CREB3L2: variants seen among roughly 807,000 people sequenced by gnomAD.
CREB3L2 encodes cyclic AMP-responsive element-binding protein 3-like protein 2.
A neutral mutation model predicts 57.2 loss-of-function variants in CREB3L2; 23 were observed. The ratio of observed to expected loss-of-function variants is 0.40; its 90% confidence interval spans 0.29 to 0.57. The LOEUF (loss-of-function observed/expected upper bound fraction) is 0.57. Among genes scored for constraint, CREB3L2 ranks in the 20% least tolerant of loss-of-function variants. The pLI is 0.42. For missense variants in CREB3L2, 628 were observed against 634.7 expected, an observed-to-expected ratio of 0.99 and a Z score of 0.11; for synonymous variants, 268 against 265.1, an observed-to-expected ratio of 1.01 and a Z score of -0.11.
At chr7:137,979,760 A>G (rs1801680741) in intron 1 of CREB3L2, among the ~76,000 whole-genome samples, 1 of 151,906 alleles carries the variant, frequency 6.6e-6, no homozygotes. Flanking sequence ...AACAACAACA[A>G]CAACAAAGAA....
chr7:137,889,420 C>A (rs1799490984), intron 8 of CREB3L2, among the ~76,000 whole-genome samples: 1 of 152,192 alleles, frequency 6.6e-6, no homozygotes, highest in African/African-American at 2.4e-5. Flanking sequence ...CACATCCTTT[C>A]CCAACTCAAG....
In CREB3L2 at chr7:137,963,022, C is replaced by T. The variant is rs995866402; in HGVS notation, c.103-34656G>A. On this transcript the variant is annotated intron_variant, in intron 1 of 11. Transcript: ENST00000330387. ...CTGACATCCCAGCAGTCCCTCTCAG[C>T]TTTGGGGCCCTTGGATCTTCATGAA... Among the ~76,000 whole-genome samples the T allele has an allele frequency of 2.0e-5, 3 of 152,280 alleles. No homozygotes were observed. The South Asian group carries it at 6.2e-4, about 32-fold the overall frequency.
intron 1 of CREB3L2, among the ~76,000 whole-genome samples, chr7:137,985,871 T>A: frequency 6.6e-6 from 1 of 152,202 alleles, no homozygotes; most frequent in South Asian, 2.1e-4. Flanking sequence ...TGAAGAAATA[T>A]TTCAGGTCTT....
intron 2 of CREB3L2, among the ~76,000 whole-genome samples, chr7:137,918,127 G>C (rs1415219061): frequency 6.6e-6 from 1 of 152,190 alleles, no homozygotes; most frequent in Non-Finnish European, 1.5e-5. Context: ...AGTTAGGGAA[G>C]GGCTGGAGAG....
intron 8 of CREB3L2, among the ~76,000 whole-genome samples, chr7:137,894,380 G>T (rs1246578569): frequency 1.3e-5 from 2 of 152,116 alleles, no homozygotes; most frequent in East Asian, 3.9e-4. Flanking sequence ...TTTGACCCAG[G>T]AATCTCATAT....
In CREB3L2 at chr7:138,001,232, T is replaced by C. The variant is rs1802068744; in HGVS notation, c.102+372A>G. On this transcript the variant is annotated intron_variant, in intron 1 of 11. Transcript: ENST00000330387. The surrounding 1 kb of genome is among the most constrained non-coding windows in gnomAD (Gnocchi z 4.2). ...AATGCTACTTAATCTTGTCCAGTTT[T>C]TGAAAACCTCAAAAAAAAATCAATA... Among the ~76,000 whole-genome samples the C allele has an allele frequency of 6.6e-6, 1 of 151,756 alleles. No homozygotes were observed. Among genetic ancestry groups the C allele is most frequent in the South Asian group, 2.1e-4 (1 of 4,816 alleles).
chr7:137,989,432 G>GT (rs33944427), intron 1 of CREB3L2, among the ~76,000 whole-genome samples: 64,583 of 106,044 alleles, frequency 0.61, 21,458 homozygotes, highest in East Asian at 0.79. Flanking sequence ...CTTTTCTCCA[G>GT]TTTTTTTTTT....
At chr7:137,883,620 T>C (rs1461430245) in intron 10 of CREB3L2, among the ~76,000 whole-genome samples, 1 of 152,218 alleles carries the variant, frequency 6.6e-6, no homozygotes, top group East Asian at 1.9e-4. Flanking sequence ...CCATATCTTC[T>C]AATAAAAGTT....
intron 8 of CREB3L2, among the ~76,000 whole-genome samples, chr7:137,888,516 A>C (rs1410790101): frequency 6.6e-6 from 1 of 151,906 alleles, no homozygotes; most frequent in Non-Finnish European, 1.5e-5. Context: ...TCACAGCGAG[A>C]TTTCACTGGC....
Position 137,950,171 on chromosome 7 carries a change from CA to C in CREB3L2, c.103-21806del, listed in dbSNP as rs67995844. Among the ~76,000 whole-genome samples, 1,241 of 152,252 alleles carry C rather than the reference CA, an allele frequency of 8.2e-3. 15 individuals carry two copies. Among genetic ancestry groups the C allele is most frequent in the African/African-American group, 0.028 (1,175 of 41,538 alleles). On this transcript the variant is annotated intron_variant, in intron 1 of 11. Transcript: ENST00000330387. The stretch of plus-strand genomic sequence containing the variant: ...AAAAGCCACACTCTTTCCAATACAC[CA>C]TATGCTTCTTGATCTTCGATGGTGA...
intron 1 of CREB3L2, among the ~76,000 whole-genome samples, chr7:137,989,134 G>A (rs764016161): frequency 6.6e-6 from 1 of 152,220 alleles, no homozygotes; most frequent in Non-Finnish European, 1.5e-5. Flanking sequence ...AGGCAGCGCT[G>A]TGTTCTACAC....
Position 138,001,682 on chromosome 7 carries a change from C to T in CREB3L2, c.24G>A (p.Glu8=). Residue 8 remains glutamate, a synonymous_variant, in exon 1 of 12, where the codon GAG becomes GAA. Coordinates refer to ENST00000330387, the MANE Select transcript of CREB3L2 (RefSeq NM_194071.4). This position sits in a 1 kb window ranked among gnomAD's most constrained non-coding sequence, Gnocchi z 4.2. ...TGCGGTCCCACTGCAGCACGCCCTG[C>T]TCCCCGCTCTCCAGCACCTCCATGG... The part of the protein sequence containing the change: MEVLESG[E]QGVLQWDRKL... 6.8e-6 allele frequency: 11 copies of T among 1,612,072 alleles called. No homozygotes were observed. The highest frequency in any genetic ancestry group is 9.3e-6 in the Non-Finnish European group (11 of 1,179,736).
At position 137,946,880 on chromosome 7, in the gene CREB3L2, CTATATAGTTATATATATAGTTATA is replaced by C. The variant is rs1422069826; in HGVS notation, c.103-18538_103-18515del. Among the ~76,000 whole-genome samples the C allele has an allele frequency of 7.5e-3, 254 of 34,024 alleles. 38 individuals are homozygous for C. The highest frequency in any genetic ancestry group is 0.011 in the Middle Eastern group (1 of 90). The allele number at this position is 34,024 out of a possible 152,430, so 22.3% of individuals were successfully genotyped here. On this transcript the variant is annotated intron_variant, in intron 1 of 11. Coordinates refer to ENST00000330387, the MANE Select transcript of CREB3L2 (RefSeq NM_194071.4). ...TCTATATAGTTATATATATAGTTAT[CTATATAGTTATATATATAGTTATA>C]TATATAGTTATATATATAGTTATAT... is the stretch of plus-strand genomic sequence containing the variant.
chr7:137,923,267 A>C (rs1800376068), intron 2 of CREB3L2, among the ~76,000 whole-genome samples: 1 of 152,240 alleles, frequency 6.6e-6, no homozygotes, highest in South Asian at 2.1e-4. Context: ...TCATTATTTT[A>C]CTTTTTTCAA....
intron 1 of CREB3L2, among the ~76,000 whole-genome samples, chr7:137,952,831 C>T (rs938791263): frequency 2.6e-5 from 4 of 151,828 alleles, no homozygotes; most frequent in African/African-American, 4.8e-5. Flanking sequence ...TTTTTTTAGA[C>T]GGGGTCTCTC....
intron 1 of CREB3L2, among the ~76,000 whole-genome samples, chr7:137,955,546 T>C (rs1396724357): frequency 6.6e-6 from 1 of 152,208 alleles, no homozygotes; most frequent in Non-Finnish European, 1.5e-5. Context: ...TGGAAGATAA[T>C]CTGAAACAAA....
At chr7:137,994,976 G>A (rs1276041544) in intron 1 of CREB3L2, among the ~76,000 whole-genome samples, 1 of 152,194 alleles carries the variant, frequency 6.6e-6, no homozygotes, top group Admixed American at 6.5e-5. Context: ...TGGTCATGCT[G>A]GTTGAGTCTC....
At chr7:137,973,022 A>G (rs1218494613) in intron 1 of CREB3L2, among the ~76,000 whole-genome samples, 3 of 151,770 alleles carry the variant, frequency 2.0e-5, no homozygotes, top group Admixed American at 1.3e-4. Context: ...ATATTTACAC[A>G]TGAGAGAACA....
chr7:137,995,329 C>CTTTT (rs1431208451), intron 1 of CREB3L2, among the ~76,000 whole-genome samples: 1 of 21,920 alleles, frequency 4.6e-5, no homozygotes, highest in African/African-American at 1.7e-4. Context: ...TTTTTCTTTT[C>CTTTT]TTTCTTTTTT....
Sources: gnomAD v4.1 joint callset for allele counts (sites outside exome capture counted in the v4.1 genomes callset) on GRCh38, gnomAD v4.1.1 for gene constraint, Gnocchi (gnomAD v3.1) non-coding constraint, MANE v1.5 for transcripts, NCBI Gene and HGNC (gene_info 2026-07-23, HGNC 2026-07-21) for gene names.